Variants in THAP2 observed in about 807,000 individuals in gnomAD.
The protein encoded by THAP2 is THAP domain-containing protein 2.
THAP2 carries 16 observed loss-of-function variants against 18.8 expected under a neutral mutation model. That is an observed-to-expected ratio of 0.85 (90% CI 0.58 to 1.29). The LOEUF is 1.29. THAP2 is among the 50% of genes most tolerant of loss of function. The probability of loss-of-function intolerance (pLI) is 0.00; values close to 1 mark genes in which losing one functional copy is unlikely to be tolerated. For synonymous variants in THAP2, 80 were observed against 89.2 expected (o/e 0.90, Z 0.58); for missense variants, 251 against 265.3 (o/e 0.95, Z 0.38).
intron 1 of THAP2, among the ~76,000 whole-genome samples, chr12:71,673,218 A>T (rs1881470430): frequency 6.6e-6 from 1 of 152,176 alleles, no homozygotes; most frequent in Non-Finnish European, 1.5e-5. Flanking sequence ...TGTATATTTC[A>T]TGGTAGTAAA....
Position 71,669,466 on chromosome 12 carries a change from A to T in THAP2, c.72-4737A>T, listed in dbSNP as rs186879389. On this transcript the variant is annotated intron_variant, in intron 1 of 2. Transcript: ENST00000308086. ...GACAGTCTTATAGTGGAAGAGTCTT[A>T]TACAAATAATAATACAATGATAGTA... Among the ~76,000 whole-genome samples the T allele has an allele frequency of 2.0e-3, 306 of 152,352 alleles. 7 individuals carry two copies. The highest frequency in any genetic ancestry group is 1.6e-4 in the Non-Finnish European group (11 of 68,038).
At position 71,679,538 on chromosome 12, in the gene THAP2, A is replaced by C. The variant is rs902057567; in HGVS notation, c.*2430A>C. On this transcript the variant is annotated 3_prime_UTR_variant, in exon 3 of 3. Transcript: ENST00000308086. ...CGGTCACAACACAGATCTTCTGTTC[A>C]TTTGTTCTCTGTCTACTGGGCACCA... is the stretch of plus-strand genomic sequence containing the variant. 1 of 151,942 alleles carries C rather than the reference A, an allele frequency of 6.6e-6. No individual in the cohort carries two copies. Among genetic ancestry groups the C allele is most frequent in the Non-Finnish European group, 1.5e-5 (1 of 67,930 alleles). The allele number at this position is 151,942 out of a possible 1,614,324, so 9.4% of individuals were successfully genotyped here. A position where few individuals can be genotyped will look rare whatever the true frequency, so the allele number is the denominator to read the frequency against.
rs1241850235 is a variant in THAP2, at chr12:71,679,121, G to A, written c.*2013G>A. 1 of 151,996 alleles carries A rather than the reference G, an allele frequency of 6.6e-6. No homozygotes were observed. Among genetic ancestry groups the A allele is most frequent in the Non-Finnish European group, 1.5e-5 (1 of 67,980 alleles). 9.4% of individuals were successfully genotyped at this position (151,996 alleles called of 1,614,324 possible). A position where few individuals can be genotyped will look rare whatever the true frequency, so the allele number is the denominator to read the frequency against. On this transcript the variant is annotated 3_prime_UTR_variant, in exon 3 of 3. Coordinates refer to ENST00000308086, the MANE Select transcript of THAP2 (RefSeq NM_031435.4). ...CAGATACAAAACACTTATTTGTGTA[G>A]CCCAGTTCCCATCTACAGTAATACC... is the stretch of plus-strand genomic sequence containing the variant.
chr12:71,675,739 C>A (rs1881509702), intron 2 of THAP2, among the ~76,000 whole-genome samples: 2 of 152,042 alleles, frequency 1.3e-5, no homozygotes, highest in Admixed American at 1.3e-4. Flanking sequence ...TGGTAAATTG[C>A]AGAATGGGGT....
intron 1 of THAP2, among the ~76,000 whole-genome samples, chr12:71,671,474 A>G (rs1244322981): frequency 6.6e-6 from 1 of 152,194 alleles, no homozygotes; most frequent in Non-Finnish European, 1.5e-5. Flanking sequence ...TTTAAGATCC[A>G]TATCTTGAAA....
chr12:71,664,368 C>T lies in THAP2; in HGVS notation c.-142C>T. On this transcript the variant is annotated 5_prime_UTR_variant, in exon 1 of 3. Coordinates refer to ENST00000308086, the MANE Select transcript of THAP2 (RefSeq NM_031435.4). ...TTCGCCTCCGCCCCCACATACACAC[C>T]CCTTCTTCCCACTCCGCTCTCACGA... The T allele has an allele frequency of 1.1e-6, 1 of 943,832 alleles. No individual in the cohort carries two copies. The highest frequency in any genetic ancestry group is 1.7e-6 in the Non-Finnish European group (1 of 601,174). 58.5% of individuals were successfully genotyped at this position (943,832 alleles called of 1,614,324 possible). A position where few individuals can be genotyped will look rare whatever the true frequency, so the allele number is the denominator to read the frequency against.
chr12:71,674,253 G>A lies in THAP2; in HGVS notation c.122G>A (p.Arg41His), dbSNP rs183448616. ...AAAGAATGGGTTCGCCTGGTTAGGC[G>A]CAAAAATTTTGTGCCAGGAAAACAC... ...RRKEWVRLVR[R>H]KNFVPGKHTF... The change falls in exon 2 of 3, where the codon CGC becomes CAC. Residue 41 changes from arginine to histidine, a missense_variant. Physicochemically the swap from Arg to His is conservative, Grantham distance 29. Transcript: ENST00000308086. 1.9e-5 allele frequency: 31 copies of A among 1,611,970 alleles called. No homozygotes were observed. In the East Asian group the frequency reaches 2.5e-4, roughly 13 times the overall value.
chr12:71,676,437 T>G (rs1300508818), intron 2 of THAP2, among the ~76,000 whole-genome samples: 1 of 152,044 alleles, frequency 6.6e-6, no homozygotes, highest in African/African-American at 2.4e-5. Flanking sequence ...TGGACGTCCA[T>G]TGTCTATTTC....
rs1007676152 is a variant in THAP2, at chr12:71,678,615, G to C, written c.*1507G>C. ...AACATACAAAGGTAGCATAAACCAA[G>C]TCATAAATTGCTGTAATCTTTCCTG... is the stretch of plus-strand genomic sequence containing the variant. On this transcript the variant is annotated 3_prime_UTR_variant, in exon 3 of 3. Transcript: ENST00000308086. 1.3e-5 allele frequency: 2 copies of C among 152,086 alleles called. No homozygotes were observed. Among genetic ancestry groups the C allele is most frequent in the African/African-American group, 4.8e-5 (2 of 41,394 alleles). 9.4% of individuals were successfully genotyped at this position (152,086 alleles called of 1,614,324 possible). A position where few individuals can be genotyped will look rare whatever the true frequency, so the allele number is the denominator to read the frequency against.
intron 1 of THAP2, among the ~76,000 whole-genome samples, chr12:71,673,751 A>G (rs921513731): frequency 4.6e-5 from 7 of 152,192 alleles, no homozygotes. Flanking sequence ...TGTCTTAATG[A>G]TGGGACATAG....
intron 1 of THAP2, among the ~76,000 whole-genome samples, chr12:71,671,565 G>A (rs1441749170): frequency 6.6e-6 from 1 of 152,194 alleles, no homozygotes; most frequent in African/African-American, 2.4e-5. Context: ...AAGACTGTGA[G>A]GTCATGCACA....
At position 71,678,172 on chromosome 12, in the gene THAP2, G is replaced by A. The variant is rs1489457608; in HGVS notation, c.*1064G>A. 1 of 152,226 alleles carries A rather than the reference G, an allele frequency of 6.6e-6. No individual in the cohort carries two copies. The highest frequency in any genetic ancestry group is 1.5e-5 in the Non-Finnish European group (1 of 68,036). The allele number at this position is 152,226 out of a possible 1,614,324, so 9.4% of individuals were successfully genotyped here. A position where few individuals can be genotyped will look rare whatever the true frequency, so the allele number is the denominator to read the frequency against. On this transcript the variant is annotated 3_prime_UTR_variant, in exon 3 of 3. Transcript: ENST00000308086. ...GTGAAATAGAGCAACTAGCATGCCT[G>A]TGTTCCCAGCTACTTGGGAGGCTAA... is the stretch of plus-strand genomic sequence containing the variant.
chr12:71,668,138 A>T (rs1881374408), intron 1 of THAP2, among the ~76,000 whole-genome samples: 1 of 152,150 alleles, frequency 6.6e-6, no homozygotes, highest in South Asian at 2.1e-4. Context: ...TTTGACTTAG[A>T]AGGCCCTCCA....
Position 71,664,368 on chromosome 12 carries a change from C to G in THAP2, c.-142C>G. 1.1e-6 allele frequency: 1 copy of G among 943,832 alleles called. No individual in the cohort carries two copies. Among genetic ancestry groups the G allele is most frequent in the Non-Finnish European group, 1.7e-6 (1 of 601,174 alleles). 58.5% of individuals were successfully genotyped at this position (943,832 alleles called of 1,614,324 possible). On this transcript the variant is annotated 5_prime_UTR_variant, in exon 1 of 3. Transcript: ENST00000308086. ...TTCGCCTCCGCCCCCACATACACAC[C>G]CCTTCTTCCCACTCCGCTCTCACGA... is the stretch of plus-strand genomic sequence containing the variant.
In THAP2 at chr12:71,678,713, TC is replaced by T. The variant is rs1881557697; in HGVS notation, c.*1607del. On this transcript the variant is annotated 3_prime_UTR_variant, in exon 3 of 3. Transcript: ENST00000308086. ...CTATTTAGGATTGCATTTGCTTGGC[TC>T]CTAGTAACAATTCTTTTACAGTATT... The T allele has an allele frequency of 6.6e-6, 1 of 152,166 alleles. No homozygotes were observed. The highest frequency in any genetic ancestry group is 2.4e-5 in the African/African-American group (1 of 41,448). The allele number at this position is 152,166 out of a possible 1,614,324, so 9.4% of individuals were successfully genotyped here. A position where few individuals can be genotyped will look rare whatever the true frequency, so the allele number is the denominator to read the frequency against.
At position 71,664,759 on chromosome 12, in the gene THAP2, G is replaced by C. The variant is rs1881299947; in HGVS notation, c.71+179G>C. On this transcript the variant is annotated intron_variant, in intron 1 of 2. Transcript: ENST00000308086. Reference sequence around the variant, plus strand: ...CCAATTGTTCTCTGCTTTCGGGGAAGCTTTACTCATTTTCTAAAAGAAATC... The same window carrying C: ...CCAATTGTTCTCTGCTTTCGGGGAACCTTTACTCATTTTCTAAAAGAAATC... The C allele has an allele frequency of 5.2e-6, 4 of 776,386 alleles. No individual in the cohort carries two copies. In the Admixed American group the frequency reaches 8.3e-5, roughly 16 times the overall value. The allele number at this position is 776,386 out of a possible 1,614,324, so 48.1% of individuals were successfully genotyped here.
At chr12:71,664,997 T>G in intron 1 of THAP2, 1 of 702,168 alleles carries the variant, frequency 1.4e-6, no homozygotes, top group African/African-American at 1.7e-5. Context: ...ATGGGAGGCA[T>G]TTAGATTTCT....
chr12:71,674,890 A>G (rs1361022614), intron 2 of THAP2, among the ~76,000 whole-genome samples: 2 of 152,116 alleles, frequency 1.3e-5, no homozygotes, highest in African/African-American at 4.8e-5. Flanking sequence ...TTGGCTTTGC[A>G]CAGAATAATT....
At position 71,678,383 on chromosome 12, in the gene THAP2, T is replaced by C. The variant is rs1373987390; in HGVS notation, c.*1275T>C. On this transcript the variant is annotated 3_prime_UTR_variant, in exon 3 of 3. Coordinates refer to ENST00000308086, the MANE Select transcript of THAP2 (RefSeq NM_031435.4). ...AGAAATATGTGTATGTCTGTGATAGTGGTATGCAAATGCTAATTATTTTAT... is the reference window on the plus strand; with the variant it reads ...AGAAATATGTGTATGTCTGTGATAGCGGTATGCAAATGCTAATTATTTTAT... 1 of 152,624 alleles carries C rather than the reference T, an allele frequency of 6.6e-6. No homozygotes were observed. The highest frequency in any genetic ancestry group is 1.5e-5 in the Non-Finnish European group (1 of 68,030). The allele number at this position is 152,624 out of a possible 1,614,324, so 9.5% of individuals were successfully genotyped here.
Sources: allele counts gnomAD v4.1 joint callset (sites outside exome capture counted in the v4.1 genomes callset), GRCh38; gene constraint gnomAD v4.1.1; transcripts MANE v1.5; gene names NCBI Gene and HGNC (gene_info 2026-07-23, HGNC 2026-07-21).